Variants in TTLL5 observed in about 807,000 individuals in gnomAD.
The protein encoded by TTLL5 is tubulin polyglutamylase TTLL5.
A neutral mutation model predicts 168.4 loss-of-function variants in TTLL5; 132 were observed. The observed-to-expected ratio is 0.78, with a 90% CI of 0.68 to 0.91. The LOEUF is 0.91. Ranked by LOEUF, TTLL5 falls within the 40% of genes least tolerant of loss-of-function variation. The pLI is 0.00. For missense variants in TTLL5, 1,545 were observed against 1,581.5 expected, an observed-to-expected ratio of 0.98 and a Z score of 0.39; for synonymous variants, 546 against 558.6, an observed-to-expected ratio of 0.98 and a Z score of 0.32.
At chr14:75,698,320 C>T (rs1886011986) in intron 6 of TTLL5, among the ~76,000 whole-genome samples, 2 of 152,164 alleles carry the variant, frequency 1.3e-5, no homozygotes, top group Admixed American at 1.3e-4. Context: ...TAAAGCTGAA[C>T]CTGGGAAAGG....
chr14:75,736,715 T>A (rs1888933839), intron 15 of TTLL5, among the ~76,000 whole-genome samples: 1 of 152,190 alleles, frequency 6.6e-6, no homozygotes, highest in African/African-American at 2.4e-5. Flanking sequence ...TGAGCTAGAT[T>A]CAGTCTATGC....
At position 75,847,973 on chromosome 14, in the gene TTLL5, GT is replaced by G. The variant is rs5809733; in HGVS notation, c.3327-15683del. 2.3e-4 allele frequency among the ~76,000 whole-genome samples: 34 copies of G among 146,560 alleles called. No individual in the cohort carries two copies. In the East Asian group the frequency reaches 4.0e-3, roughly 17 times the overall value. On this transcript the variant is annotated intron_variant, in intron 28 of 31. Coordinates refer to ENST00000298832, the MANE Select transcript of TTLL5 (RefSeq NM_015072.5). The stretch of plus-strand genomic sequence containing the variant: ...ATTTTCTTTTCTTCCCTTTGGTGCT[GT>G]TTTTTTTTTTAATCTCTTGTGATTT...
intron 28 of TTLL5, among the ~76,000 whole-genome samples, chr14:75,827,000 T>C (rs1410545947): frequency 6.6e-6 from 1 of 152,176 alleles, no homozygotes; most frequent in East Asian, 1.9e-4. Flanking sequence ...CAATGCTCTT[T>C]TTTAAGAGGT....
At chr14:75,937,275 T>C (rs1203435154) in intron 31 of TTLL5, among the ~76,000 whole-genome samples, 3 of 151,044 alleles carry the variant, frequency 2.0e-5, no homozygotes, top group Admixed American at 1.3e-4. Flanking sequence ...CACCACCACG[T>C]CCAGCTAATT....
In TTLL5 at chr14:75,864,085, G is replaced by GT. The variant is rs556204722; in HGVS notation, c.3522+232dup. 2.2e-3 allele frequency among the ~76,000 whole-genome samples: 332 copies of GT among 150,398 alleles called. 1 individual carries two copies. The highest frequency in any genetic ancestry group is 6.8e-3 in the African/African-American group (277 of 40,986). On this transcript the variant is annotated intron_variant, in intron 29 of 31. Coordinates refer to ENST00000298832, the MANE Select transcript of TTLL5 (RefSeq NM_015072.5). ...GTGATGCTTAACCAGTGTTTGACAT[G>GT]TTTTTTTTTCATTTGAATGCTTCTA...
chr14:75,664,163 T>C (rs1020782543), intron 2 of TTLL5, among the ~76,000 whole-genome samples: 1 of 152,212 alleles, frequency 6.6e-6, no homozygotes, highest in African/African-American at 2.4e-5. Context: ...CTATATCTTA[T>C]ATCTTTTTAA....
At chr14:75,897,393 T>G in intron 30 of TTLL5, among the ~76,000 whole-genome samples, 1 of 152,214 alleles carries the variant, frequency 6.6e-6, no homozygotes, top group Non-Finnish European at 1.5e-5. Flanking sequence ...GTCATGTGTC[T>G]TATTATAGTT....
At position 75,793,068 on chromosome 14, in the gene TTLL5, C is replaced by G; in HGVS notation, c.3139C>G (p.Pro1047Ala). ...GAAGCAGGCAGCGAGACAGTATTCTCCATCCAGCCACATCAACCTCCTCAC... is the reference window on the plus strand; with the variant it reads ...GAAGCAGGCAGCGAGACAGTATTCTGCATCCAGCCACATCAACCTCCTCAC... Reference protein sequence around the residue: ...AEKQAARQYSPSSHINLLTQQ... With the variant: ...AEKQAARQYSASSHINLLTQQ... Residue 1047 changes from proline to alanine, a missense_variant, in exon 27 of 32, where the codon CCA (proline) becomes GCA (alanine). Pro to Ala is a conservative substitution (Grantham distance 27). Transcript: ENST00000298832. The G allele has an allele frequency of 6.2e-7, 1 of 1,612,900 alleles. No homozygotes were observed. Among genetic ancestry groups the G allele is most frequent in the Non-Finnish European group, 8.5e-7 (1 of 1,179,310 alleles).
chr14:75,787,508 C>G (rs753252859), intron 26 of TTLL5, among the ~76,000 whole-genome samples: 1 of 152,086 alleles, frequency 6.6e-6, no homozygotes, highest in Non-Finnish European at 1.5e-5. Flanking sequence ...ATATGTAACA[C>G]AAAAATGGAA....
Position 75,663,133 on chromosome 14 carries a change from G to A in TTLL5, c.-17G>A. 1 of 1,613,000 alleles carries A rather than the reference G, an allele frequency of 6.2e-7. No homozygotes were observed. The highest frequency in any genetic ancestry group is 8.5e-7 in the Non-Finnish European group (1 of 1,179,650). ...TGAGGCCCCCGTCTGCTGACTGCAT[G>A]ACAAACCCTAAAGGAAATGCCAATC... On this transcript the variant is annotated 5_prime_UTR_variant, in exon 2 of 32. It removes an upstream start codon present in the reference 5' UTR. Transcript: ENST00000298832.
intron 29 of TTLL5, among the ~76,000 whole-genome samples, chr14:75,873,698 T>A (rs1430170281): frequency 1.3e-5 from 2 of 152,120 alleles, no homozygotes; most frequent in African/African-American, 2.4e-5. Context: ...CATACCACAT[T>A]TTCTTTTTCC....
chr14:75,671,434 T>C (rs1883742704), intron 3 of TTLL5, among the ~76,000 whole-genome samples: 2 of 152,174 alleles, frequency 1.3e-5, no homozygotes, highest in South Asian at 4.1e-4. Flanking sequence ...TCTTCAAAAA[T>C]GGCTGTTGGG....
At chr14:75,733,844 C>T in intron 13 of TTLL5, 145 bp from the exon 14 acceptor site, 2 of 701,314 alleles carry the variant, frequency 2.9e-6, no homozygotes, top group South Asian at 1.9e-5. Flanking sequence ...GATTTTTCCC[C>T]CACCGCCCCC....
rs77074815 is a variant in TTLL5, at chr14:75,690,391, T to G, written c.502+69T>G. On this transcript the variant is annotated intron_variant, in intron 6 of 31. Coordinates refer to ENST00000298832, the MANE Select transcript of TTLL5 (RefSeq NM_015072.5). ...CTGGGGAATATTTACCCCAAAAGCC[T>G]CCTCAAGGTGTCAACCAATCAGGGC... is the stretch of plus-strand genomic sequence containing the variant. The G allele has an allele frequency of 8.5e-3, 12,898 of 1,521,422 alleles. 200 individuals are homozygous for G. Among genetic ancestry groups the G allele is most frequent in the African/African-American group, 0.065 (4,651 of 71,432 alleles). 94.2% of individuals were successfully genotyped at this position (1,521,422 alleles called of 1,614,324 possible).
At chr14:75,789,265 T>C (rs574422581) in intron 26 of TTLL5, among the ~76,000 whole-genome samples, 91 of 152,254 alleles carry the variant, frequency 6.0e-4, no homozygotes, top group Middle Eastern at 3.4e-3. Context: ...GAAAAAGAAA[T>C]TATAAGCATA....
chr14:75,924,515 T>A (rs1218835320), intron 31 of TTLL5, among the ~76,000 whole-genome samples: 1 of 151,856 alleles, frequency 6.6e-6, no homozygotes, highest in Non-Finnish European at 1.5e-5. Flanking sequence ...CAAGCATCTG[T>A]TTAACAAAGC....
intron 31 of TTLL5, among the ~76,000 whole-genome samples, chr14:75,933,857 G>A (rs757279386): frequency 6.6e-6 from 1 of 152,144 alleles, no homozygotes; most frequent in Non-Finnish European, 1.5e-5. Flanking sequence ...GGACACACAA[G>A]GAGACACCAG....
At chr14:75,951,219 A>G (rs1385949246) in intron 31 of TTLL5, among the ~76,000 whole-genome samples, 1 of 151,316 alleles carries the variant, frequency 6.6e-6, no homozygotes, top group Non-Finnish European at 1.5e-5. Flanking sequence ...ATGGTGGCAC[A>G]TGCTTGTGGT....
chr14:75,859,279 G>A (rs997292422), intron 28 of TTLL5, among the ~76,000 whole-genome samples: 1 of 152,202 alleles, frequency 6.6e-6, no homozygotes, highest in Non-Finnish European at 1.5e-5. Flanking sequence ...TTATTGGCTG[G>A]AGGTTGCAGG....
Sources: gnomAD v4.1 joint callset for allele counts (sites outside exome capture counted in the v4.1 genomes callset) on GRCh38, gnomAD v4.1.1 for gene constraint, MANE v1.5 for transcripts, NCBI Gene and HGNC (gene_info 2026-07-23, HGNC 2026-07-21) for gene names.